PTPRM: variants seen among roughly 807,000 people sequenced by gnomAD.
The protein encoded by PTPRM is receptor-type tyrosine-protein phosphatase mu.
PTPRM carries 47 observed loss-of-function variants against 186.7 expected under a neutral mutation model. The ratio of observed to expected loss-of-function variants is 0.25; its 90% confidence interval spans 0.20 to 0.32. PTPRM has a LOEUF of 0.32. PTPRM is among the 10% of genes least tolerant of loss of function. PTPRM has a pLI of 1.00. For synonymous variants in PTPRM, 668 were observed against 674.9 expected (o/e 0.99, Z 0.16); for missense variants, 1,494 against 1,865.0 (o/e 0.80, Z 3.66).
At chr18:8,358,129 A>AT (rs1359200755) in intron 23 of PTPRM, among the ~76,000 whole-genome samples, 1 of 150,476 alleles carries the variant, frequency 6.6e-6, no homozygotes, top group African/African-American at 2.5e-5. Context: ...AAGGCTAGCT[A>AT]TTCCCCCCCC....
intron 1 of PTPRM, among the ~76,000 whole-genome samples, chr18:7,757,391 G>T (rs932562709): frequency 6.6e-6 from 1 of 152,188 alleles, no homozygotes; most frequent in African/African-American, 2.4e-5. Flanking sequence ...ATCAGCCTTA[G>T]TTTTTCATAT....
intron 7 of PTPRM, among the ~76,000 whole-genome samples, chr18:8,023,016 C>T (rs1400123706): frequency 6.6e-6 from 1 of 152,066 alleles, no homozygotes. Context: ...TATTCAGTCA[C>T]CCGGTGGTTT....
intron 2 of PTPRM, among the ~76,000 whole-genome samples, chr18:7,841,800 G>C (rs929406737): frequency 6.6e-6 from 1 of 152,172 alleles, no homozygotes; most frequent in East Asian, 1.9e-4. Flanking sequence ...ATGCCATTAC[G>C]ATCTGTAGGT....
chr18:8,282,429 G>A (rs529432085), intron 19 of PTPRM, among the ~76,000 whole-genome samples: 1 of 152,328 alleles, frequency 6.6e-6, no homozygotes, highest in South Asian at 2.1e-4. Context: ...TTGGAAGGCT[G>A]AGGTGGGTGG....
Position 8,042,972 on chromosome 18 carries a change from C to T in PTPRM, c.1133-26714C>T, listed in dbSNP as rs559639538. Reference sequence around the variant, plus strand: ...CTTCCCCTCTTCACTCCGTCTCAACCGCCTACAGCTGCTTATTGTGTCTGC... The same window carrying T: ...CTTCCCCTCTTCACTCCGTCTCAACTGCCTACAGCTGCTTATTGTGTCTGC... On this transcript the variant is annotated intron_variant, in intron 7 of 32. Coordinates refer to ENST00000580170, the MANE Select transcript of PTPRM (RefSeq NM_001105244.2). 4.6e-5 allele frequency among the ~76,000 whole-genome samples: 7 copies of T among 152,250 alleles called. No homozygotes were observed. The East Asian group carries it at 9.7e-4, about 21-fold the overall frequency.
chr18:8,014,325 C>T (rs533904303), intron 7 of PTPRM, among the ~76,000 whole-genome samples: 1 of 152,222 alleles, frequency 6.6e-6, no homozygotes, highest in East Asian at 1.9e-4. Context: ...AATCTTTTGA[C>T]TGAAAATCTT....
At chr18:7,863,785 A>G (rs2047520009) in intron 2 of PTPRM, among the ~76,000 whole-genome samples, 1 of 152,198 alleles carries the variant, frequency 6.6e-6, no homozygotes, top group African/African-American at 2.4e-5. Context: ...ACTGTCTTCC[A>G]CAATGGTTGA....
intron 14 of PTPRM, among the ~76,000 whole-genome samples, chr18:8,152,932 G>T (rs529950196): frequency 2.0e-5 from 3 of 151,906 alleles, no homozygotes; most frequent in African/African-American, 7.2e-5. Flanking sequence ...TAGCCAGGAT[G>T]GTCTTGATCT....
chr18:7,591,754 C>T (rs1170358588), intron 1 of PTPRM, among the ~76,000 whole-genome samples: 1 of 152,118 alleles, frequency 6.6e-6, no homozygotes, highest in Non-Finnish European at 1.5e-5. Flanking sequence ...TATAATTGAA[C>T]CGTGTTTATT....
intron 1 of PTPRM, among the ~76,000 whole-genome samples, chr18:7,627,362 T>G (rs924352654): frequency 1.3e-5 from 2 of 152,204 alleles, no homozygotes; most frequent in Non-Finnish European, 2.9e-5. Flanking sequence ...GGGAAGCATT[T>G]TATTCCTCTC....
At chr18:8,135,063 A>T (rs1248400772) in intron 13 of PTPRM, among the ~76,000 whole-genome samples, 1 of 152,212 alleles carries the variant, frequency 6.6e-6, no homozygotes. Context: ...CAGCATATAA[A>T]GTAGGTCTTC....
At chr18:8,201,270 C>T (rs1434045264) in intron 14 of PTPRM, among the ~76,000 whole-genome samples, 3 of 152,206 alleles carry the variant, frequency 2.0e-5, no homozygotes, top group Non-Finnish European at 2.9e-5. Context: ...GAGCCAACAT[C>T]GTGCCACTGC....
In PTPRM at chr18:8,284,948, A is replaced by G. The variant is rs142736186; in HGVS notation, c.2755-11420A>G. 1.0e-3 allele frequency among the ~76,000 whole-genome samples: 154 copies of G among 152,294 alleles called. 1 individual carries two copies. Among genetic ancestry groups the G allele is most frequent in the African/African-American group, 3.4e-3 (142 of 41,560 alleles). ...ATGAATCTTCTGATTTATAATTATC[A>G]TGTATTTTTCCTCATACAGAGCTCC... On this transcript the variant is annotated intron_variant, in intron 19 of 32. Coordinates refer to ENST00000580170, the MANE Select transcript of PTPRM (RefSeq NM_001105244.2).
At chr18:8,279,549 G>A (rs533974028) in intron 19 of PTPRM, among the ~76,000 whole-genome samples, 13 of 152,296 alleles carry the variant, frequency 8.5e-5, no homozygotes, top group South Asian at 4.1e-4. Flanking sequence ...TCCAGCAGTG[G>A]GGTGGAGCTG....
intron 1 of PTPRM, among the ~76,000 whole-genome samples, chr18:7,642,377 C>T (rs1046952253): frequency 1.3e-5 from 2 of 152,190 alleles, no homozygotes; most frequent in South Asian, 4.1e-4. Flanking sequence ...AATTCTTCTA[C>T]TGTCGTTACA....
At chr18:7,944,279 A>G (rs1304959883) in intron 5 of PTPRM, among the ~76,000 whole-genome samples, 1 of 152,170 alleles carries the variant, frequency 6.6e-6, no homozygotes, top group Non-Finnish European at 1.5e-5. Context: ...ACTGCAGTAG[A>G]GTACATGTTG....
At chr18:8,293,308 A>G (rs9967521) in intron 19 of PTPRM, among the ~76,000 whole-genome samples, 1 of 152,160 alleles carries the variant, frequency 6.6e-6, no homozygotes, top group African/African-American at 2.4e-5. Context: ...GGCTATTGGC[A>G]GTCCTGTGAT....
chr18:8,084,834 C>T (rs949586614), intron 9 of PTPRM, among the ~76,000 whole-genome samples: 1 of 152,088 alleles, frequency 6.6e-6, no homozygotes, highest in Non-Finnish European at 1.5e-5. Flanking sequence ...TTTAAAATAT[C>T]ATTTGAAAGG....
intron 2 of PTPRM, among the ~76,000 whole-genome samples, chr18:7,801,922 T>C (rs1239348368): frequency 1.3e-5 from 2 of 152,254 alleles, no homozygotes; most frequent in African/African-American, 4.8e-5. Context: ...GAAACCTGGC[T>C]AGCATCACTG....
Sources: allele counts gnomAD v4.1 joint callset (sites outside exome capture counted in the v4.1 genomes callset), GRCh38; gene constraint gnomAD v4.1.1; transcripts MANE v1.5; gene names NCBI Gene and HGNC (gene_info 2026-07-23, HGNC 2026-07-21).